DNPEP: variants seen among roughly 807,000 people sequenced by gnomAD.
DNPEP encodes the protein aspartyl aminopeptidase.
In DNPEP, 46 loss-of-function variants were observed where a neutral mutation model predicts 59.1. The observed-to-expected ratio is 0.78, with a 90% CI of 0.61 to 0.99. DNPEP has a LOEUF of 0.99. DNPEP is among the 50% of genes least tolerant of loss of function. The pLI, the probability that DNPEP is intolerant of heterozygous loss-of-function variation, is 0.00. For synonymous variants in DNPEP, 229 were observed against 242.2 expected, an observed-to-expected ratio of 0.95 and a Z score of 0.50; for missense variants, 617 against 649.9, an observed-to-expected ratio of 0.95 and a Z score of 0.55.
Position 219,385,667 on chromosome 2 carries a change from C to T in DNPEP, c.630G>A (p.Glu210=). 6.2e-7 allele frequency: 1 copy of T among 1,610,448 alleles called. No homozygotes were observed. Among genetic ancestry groups the T allele is most frequent in the Non-Finnish European group, 8.5e-7 (1 of 1,178,138 alleles). The part of the protein sequence containing the change: ...ILATAIQEEL[E]KGTPEPGPLN... ...GAGGCCCTGGCTCAGGAGTCCCCTTCTCCAGCTCCTCCTGGATGGCTGTGG... is the reference window on the plus strand; with the variant it reads ...GAGGCCCTGGCTCAGGAGTCCCCTTTTCCAGCTCCTCCTGGATGGCTGTGG... Residue 210 remains glutamate (E), a synonymous_variant, in exon 7 of 15, where the codon GAG becomes GAA. Transcript: ENST00000273075.
In DNPEP at chr2:219,386,892, C is replaced by T; in HGVS notation, c.219G>A (p.Lys73=). The change falls in exon 3 of 15, where the codon AAG becomes AAA. Residue 73 remains lysine (K), a splice_region_variant and synonymous_variant. Coordinates refer to ENST00000273075, the MANE Select transcript of DNPEP (RefSeq NM_012100.4). ...TCCACCCCCACCCCACCCCCAGTAC[C>T]TTGCTCTCGGGCTTAATATTCCATT... ...TEKWNIKPES[K]YFMTRNSSTI... 6.2e-7 allele frequency: 1 copy of T among 1,613,622 alleles called. No individual in the cohort carries two copies. The highest frequency in any genetic ancestry group is 8.5e-7 in the Non-Finnish European group (1 of 1,179,736).
At chr2:219,380,513 C>G (rs1196787059) in intron 13 of DNPEP, among the ~76,000 whole-genome samples, 2 of 152,110 alleles carry the variant, frequency 1.3e-5, no homozygotes, top group African/African-American at 4.8e-5. Context: ...TGAGCCAACA[C>G]GCCTGGCCTT....
chr2:219,387,676 G>A (rs759632353), intron 1 of DNPEP, 83 bp downstream of exon 1: 1 of 1,588,762 alleles, frequency 6.3e-7, no homozygotes, highest in Non-Finnish European at 8.6e-7. Flanking sequence ...CCCCACTGCA[G>A]CACCGCGCTA....
At chr2:219,399,814 C>T in intron 1 of DNPEP, 7 of 1,321,128 alleles carry the variant, frequency 5.3e-6, no homozygotes, top group Non-Finnish European at 7.0e-6. Flanking sequence ...AGGCTGGTGC[C>T]TAGGAACGTG....
upstream of DNPEP, among the ~76,000 whole-genome samples, chr2:219,389,640 A>G (rs535978781): frequency 1.3e-5 from 2 of 151,936 alleles, no homozygotes; most frequent in South Asian, 4.2e-4. Flanking sequence ...GACCAGTCTG[A>G]CCAACATGGT....
In DNPEP at chr2:219,373,423, CAT is replaced by C. The variant is rs1370808118; in HGVS notation, c.*867_*868del. The C allele has an allele frequency of 1.3e-5, 2 of 151,850 alleles. No homozygotes were observed. Among genetic ancestry groups the C allele is most frequent in the African/African-American group, 2.4e-5 (1 of 41,278 alleles). 9.4% of individuals were successfully genotyped at this position (151,850 alleles called of 1,614,324 possible). Reference sequence around the variant, plus strand: ...TGCCCAGGCTGGAGTGTGGTGGCTCCATCTCAGCTCACTGCAACCTACGCCTC... The same window carrying C: ...TGCCCAGGCTGGAGTGTGGTGGCTCCCTCAGCTCACTGCAACCTACGCCTC... On this transcript the variant is annotated 3_prime_UTR_variant, in exon 15 of 15. Coordinates refer to ENST00000273075, the MANE Select transcript of DNPEP (RefSeq NM_012100.4).
rs746993931 is a variant in DNPEP at position 219,382,066 on chromosome 2, C to A, written c.1010G>T (p.Cys337Phe). 1 of 1,614,102 alleles carries A rather than the reference C, an allele frequency of 6.2e-7. No individual in the cohort carries two copies. The highest frequency in any genetic ancestry group is 1.1e-5 in the South Asian group (1 of 91,082). ...TTCCTCGAAGGCTGTCGGGTGCTGGCACGAGGCTGAGATCCGCCGCAGCAC... is the reference window on the plus strand; with the variant it reads ...TTCCTCGAAGGCTGTCGGGTGCTGGAACGAGGCTGAGATCCGCCGCAGCAC... ...ELVLRRISASCQHPTAFEEAI... is the reference protein window; with the variant it reads ...ELVLRRISASFQHPTAFEEAI... Residue 337 changes from cysteine (C) to phenylalanine (F), a missense_variant, in exon 11 of 15, where the codon TGC becomes TTC. By Grantham distance (205) the Cys-to-Phe change is radical. Transcript: ENST00000273075.
At chr2:219,399,951 G>T (rs1488271546) in exon 1 of DNPEP, 1 of 1,545,750 alleles carries the variant, frequency 6.5e-7, no homozygotes, top group Non-Finnish European at 8.8e-7. Flanking sequence ...TCCTCCCAAG[G>T]CTGGAGTGGA....
intron 13 of DNPEP, among the ~76,000 whole-genome samples, chr2:219,378,865 A>ATG (rs1553599539): frequency 6.6e-6 from 1 of 152,192 alleles, no homozygotes; most frequent in African/African-American, 2.4e-5. Flanking sequence ...AATACCTAAG[A>ATG]ATAATAAATG....
intron 1 of DNPEP, among the ~76,000 whole-genome samples, chr2:219,396,521 G>A (rs1276563341): frequency 1.3e-5 from 2 of 151,872 alleles, no homozygotes; most frequent in Non-Finnish European, 2.9e-5. Flanking sequence ...TTGGGAGGTG[G>A]AGGTTGAAGT....
In DNPEP at chr2:219,374,847, G is replaced by A; in HGVS notation, c.1407+8C>T. ...CAGCTGCCAGAGAGGGTCTGGGGTG[G>A]GTGTTACCTTGAAGAGGGTGAGGGT... On this transcript the variant is annotated splice_region_variant and intron_variant, in intron 14 of 14. Coordinates refer to ENST00000273075, the MANE Select transcript of DNPEP (RefSeq NM_012100.4). 6.2e-7 allele frequency: 1 copy of A among 1,610,220 alleles called. No homozygotes were observed. Among genetic ancestry groups the A allele is most frequent in the Non-Finnish European group, 8.5e-7 (1 of 1,176,790 alleles).
In DNPEP at chr2:219,386,068, G is replaced by A; in HGVS notation, c.490C>T (p.Leu164=). The A allele has an allele frequency of 6.2e-7, 1 of 1,614,126 alleles. No individual in the cohort carries two copies. Among genetic ancestry groups the A allele is most frequent in the Non-Finnish European group, 8.5e-7 (1 of 1,180,014 alleles). ...AGAATGGGCCGCTCCACGTGCACCA[G>A]CTGCTGCTCCAGCCGACCTGAGGTA... ...CPTSGRLEQQ[L]VHVERPILRI... Residue 164 remains leucine, a synonymous_variant, in exon 6 of 15, where the codon CTG becomes TTG. Coordinates refer to ENST00000273075, the MANE Select transcript of DNPEP (RefSeq NM_012100.4).
intron 1 of DNPEP, among the ~76,000 whole-genome samples, chr2:219,394,841 C>G (rs1219719262): frequency 2.6e-5 from 4 of 152,172 alleles, no homozygotes; most frequent in Non-Finnish European, 5.9e-5. Context: ...GTTCCCCAAA[C>G]CTATTCCATC....
intron 1 of DNPEP, among the ~76,000 whole-genome samples, chr2:219,398,958 C>A (rs562708798): frequency 1.3e-5 from 2 of 152,240 alleles, no homozygotes; most frequent in Non-Finnish European, 2.9e-5. Flanking sequence ...TCATTTAATC[C>A]TCGCTGGATT....
chr2:219,391,177 C>T (rs756693532), upstream of DNPEP, among the ~76,000 whole-genome samples: 2 of 152,200 alleles, frequency 1.3e-5, no homozygotes, highest in African/African-American at 2.4e-5. Flanking sequence ...GCAGGGTAAT[C>T]CACCATTTCA....
chr2:219,397,204 C>A (rs1954112901), intron 1 of DNPEP, among the ~76,000 whole-genome samples: 1 of 150,972 alleles, frequency 6.6e-6, no homozygotes, highest in Non-Finnish European at 1.5e-5. Context: ...GCCAGCCCCC[C>A]TCCCCTCCCC....
upstream of DNPEP, chr2:219,388,130 C>A (rs1238964490): frequency 1.7e-5 from 4 of 235,860 alleles, no homozygotes; most frequent in Non-Finnish European, 3.0e-5. Context: ...CAGGAAGCAC[C>A]GCCCGCCCTG....
At chr2:219,396,749 C>T (rs370736754) in intron 1 of DNPEP, among the ~76,000 whole-genome samples, 206 of 152,272 alleles carry the variant, frequency 1.4e-3, no homozygotes, top group African/African-American at 4.3e-3. Context: ...TCAAACCCTA[C>T]GCACACACAT....
chr2:219,387,891 T>A lies in DNPEP; in HGVS notation c.-97A>T, dbSNP rs1953921930. 2.2e-6 allele frequency: 3 copies of A among 1,355,476 alleles called. No homozygotes were observed. The highest frequency in any genetic ancestry group is 1.9e-6 in the Non-Finnish European group (2 of 1,060,678). The allele number at this position is 1,355,476 out of a possible 1,614,324, so 84.0% of individuals were successfully genotyped here. ...CGTGCCCCTTCAGGCCGCGCCGCAC[T>A]CGTAGGCCTTCATCACGCTTCCCCG... On this transcript the variant is annotated 5_prime_UTR_variant, in exon 1 of 15. Coordinates refer to ENST00000273075, the MANE Select transcript of DNPEP (RefSeq NM_012100.4).
Sources: gnomAD v4.1 joint callset for allele counts (sites outside exome capture counted in the v4.1 genomes callset) on GRCh38, gnomAD v4.1.1 for gene constraint, MANE v1.5 for transcripts, NCBI Gene and HGNC (gene_info 2026-07-23, HGNC 2026-07-21) for gene names.